Variants in ARID3B observed in about 807,000 individuals in gnomAD.
ARID3B encodes AT-rich interaction domain 3B.
Under a neutral mutation model 51.9 loss-of-function variants are expected in ARID3B, and 10 were observed. The ratio of observed to expected loss-of-function variants is 0.19; its 90% CI spans 0.12 to 0.33. The LOEUF (loss-of-function observed/expected upper bound fraction) is 0.33. Among genes scored for constraint, ARID3B ranks in the 10% least tolerant of loss-of-function variants. ARID3B has a pLI of 1.00. For synonymous variants in ARID3B, 205 were observed against 279.5 expected, an observed-to-expected ratio of 0.73 and a Z score of 2.66; for missense variants, 483 against 716.3, an observed-to-expected ratio of 0.67 and a Z score of 3.72.
At chr15:74,565,739 T>G (rs1049509558) in intron 2 of ARID3B, among the ~76,000 whole-genome samples, 7 of 151,982 alleles carry the variant, frequency 4.6e-5, no homozygotes, top group Non-Finnish European at 8.8e-5. Context: ...TTTTTGTTTT[T>G]TTTTTTTTTA....
rs75577936 is a variant in ARID3B, at chr15:74,566,602, C to CAA, written c.553-6246_553-6245dup. On this transcript the variant is annotated intron_variant, in intron 2 of 8. Coordinates refer to ENST00000346246, the MANE Select transcript of ARID3B (RefSeq NM_006465.4). The stretch of plus-strand genomic sequence containing the variant: ...CGGGTGACAGAGTGAGACTCTGTCT[C>CAA]AAAAAAAAAAAAAAAGAGACTAAAT... Among the ~76,000 whole-genome samples, 124 of 94,026 alleles carry CAA rather than the reference C, an allele frequency of 1.3e-3. 4 individuals carry two copies. In the South Asian group the frequency reaches 0.04, roughly 30 times the overall value. The allele number at this position is 94,026 out of a possible 152,430, so 61.7% of individuals were successfully genotyped here. A position where few individuals can be genotyped will look rare whatever the true frequency, so the allele number is the denominator to read the frequency against.
At chr15:74,560,588 T>C (rs1333144462) in intron 2 of ARID3B, among the ~76,000 whole-genome samples, 1 of 152,126 alleles carries the variant, frequency 6.6e-6, no homozygotes, top group African/African-American at 2.4e-5. Context: ...CTCATGAAAA[T>C]TAAAACAATA....
At chr15:74,544,589 C>T in intron 2 of ARID3B, 101 bp downstream of exon 2, 1 of 1,273,772 alleles carries the variant, frequency 7.9e-7, no homozygotes, top group Non-Finnish European at 1.1e-6. Flanking sequence ...TGCCTTCTCA[C>T]CCCACTTCGG....
intron 2 of ARID3B, among the ~76,000 whole-genome samples, chr15:74,549,162 C>G (rs535412670): frequency 6.6e-6 from 1 of 151,972 alleles, no homozygotes; most frequent in African/African-American, 2.4e-5. Flanking sequence ...CAGGCTCCAC[C>G]CCCCGGGGTT....
chr15:74,579,828 CGTGTGTGTGTGTGTGT>C (rs374538596), intron 4 of ARID3B, among the ~76,000 whole-genome samples: 108 of 137,860 alleles, frequency 7.8e-4, no homozygotes, highest in African/African-American at 2.2e-3. Context: ...CACCTGTTGC[CGTGTGTGTGTGTGTGT>C]GTGTGTGTGT....
intron 2 of ARID3B, among the ~76,000 whole-genome samples, chr15:74,547,338 T>C (rs2061619794): frequency 6.6e-6 from 1 of 152,090 alleles, no homozygotes; most frequent in Admixed American, 6.6e-5. Context: ...TATTTTTTTA[T>C]TTTTATTTAT....
Position 74,597,340 on chromosome 15 carries a change from C to T in ARID3B, c.*1566C>T, listed in dbSNP as rs1192096391. On this transcript the variant is annotated 3_prime_UTR_variant, in exon 9 of 9. Transcript: ENST00000346246. ...GGGGCTGTGGCAGTGGGAGACACCGCGCGTGGCGTGGGTGTGTGTGGCAGC... is the reference window on the plus strand; with the variant it reads ...GGGGCTGTGGCAGTGGGAGACACCGTGCGTGGCGTGGGTGTGTGTGGCAGC... The T allele has an allele frequency of 7.2e-6, 3 of 419,476 alleles. No individual in the cohort carries two copies. The highest frequency in any genetic ancestry group is 4.0e-5 in the African/African-American group (2 of 50,008). The allele number at this position is 419,476 out of a possible 1,614,324, so 26.0% of individuals were successfully genotyped here.
At chr15:74,587,544 G>A (rs543977688) in intron 4 of ARID3B, among the ~76,000 whole-genome samples, 1 of 152,320 alleles carries the variant, frequency 6.6e-6, no homozygotes, top group Admixed American at 6.5e-5. Context: ...GGTCACACGT[G>A]TGAAGATGCC....
intron 4 of ARID3B, chr15:74,573,441 G>A (rs1432394010): frequency 3.6e-6 from 2 of 552,008 alleles, no homozygotes; most frequent in Non-Finnish European, 6.5e-6. Context: ...GCCTGATTTT[G>A]TCTCTTCTTC....
intron 2 of ARID3B, among the ~76,000 whole-genome samples, chr15:74,566,602 CAAAAA>C (rs75577936): frequency 1.1e-5 from 1 of 94,028 alleles, no homozygotes; most frequent in Non-Finnish European, 2.3e-5. Flanking sequence ...GACTCTGTCT[CAAAAA>C]AAAAAAAAAA....
rs1181036661 is a variant in ARID3B at position 74,597,393 on chromosome 15, GAGGAA to G, written c.*1623_*1627del. 2.2e-6 allele frequency: 1 copy of G among 447,460 alleles called. No individual in the cohort carries two copies. The highest frequency in any genetic ancestry group is 2.0e-5 in the African/African-American group (1 of 50,686). 27.7% of individuals were successfully genotyped at this position (447,460 alleles called of 1,614,324 possible). A position where few individuals can be genotyped will look rare whatever the true frequency, so the allele number is the denominator to read the frequency against. On this transcript the variant is annotated 3_prime_UTR_variant, in exon 9 of 9. Coordinates refer to ENST00000346246, the MANE Select transcript of ARID3B (RefSeq NM_006465.4). ...GGCTCGCATTCAGTCCTGTGTAGGA[GAGGAA>G]AGGGAATCAAAAGCTTGAGCACAAA... is the stretch of plus-strand genomic sequence containing the variant.
intron 2 of ARID3B, among the ~76,000 whole-genome samples, chr15:74,553,707 T>C (rs956359757): frequency 6.6e-6 from 1 of 152,212 alleles, no homozygotes; most frequent in Non-Finnish European, 1.5e-5. Context: ...GTTCCATGTG[T>C]GCTTGGAGAG....
chr15:74,549,934 G>A lies in ARID3B; in HGVS notation c.552+5446G>A, dbSNP rs139340228. Among the ~76,000 whole-genome samples, 9 of 152,324 alleles carry A rather than the reference G, an allele frequency of 5.9e-5. No homozygotes were observed. In the East Asian group the frequency reaches 1.7e-3, roughly 29 times the overall value. ...GCCCCCCAACAGCAAAGAGTTATCT[G>A]GTCCAAAATAACAGTAGTGCCAAGG... On this transcript the variant is annotated intron_variant, in intron 2 of 8. Transcript: ENST00000346246.
At chr15:74,595,487 C>A in intron 8 of ARID3B, 124 bp from the exon 9 acceptor site, 3 of 1,112,906 alleles carry the variant, frequency 2.7e-6, no homozygotes, top group Non-Finnish European at 3.8e-6. Flanking sequence ...CCCATCACCC[C>A]CTAGCACAGT....
At chr15:74,568,814 T>C (rs1301480481) in intron 2 of ARID3B, among the ~76,000 whole-genome samples, 1 of 152,200 alleles carries the variant, frequency 6.6e-6, no homozygotes, top group East Asian at 1.9e-4. Context: ...CTGGCTACTG[T>C]TGACTTCCCA....
At chr15:74,564,087 C>T (rs772300712) in intron 2 of ARID3B, among the ~76,000 whole-genome samples, 1 of 152,184 alleles carries the variant, frequency 6.6e-6, no homozygotes, top group Non-Finnish European at 1.5e-5. Context: ...TACCTGACAG[C>T]GGAAGGTGTG....
Position 74,595,728 on chromosome 15 carries a change from C to G in ARID3B, c.1637C>G (p.Ser546Cys). 1 of 1,612,286 alleles carries G rather than the reference C, an allele frequency of 6.2e-7. No homozygotes were observed. The highest frequency in any genetic ancestry group is 8.5e-7 in the Non-Finnish European group (1 of 1,178,812). The change falls in exon 9 of 9, where the codon TCC (serine) becomes TGC (cysteine). Residue 546 changes from serine (S) to cysteine (C), a missense_variant. Coordinates refer to ENST00000346246, the MANE Select transcript of ARID3B (RefSeq NM_006465.4). Reference sequence around the variant, plus strand: ...CACTGTTCACCAAGTCCTACCTCATCCCGGGGCACCCCCAGCGCAGAGCCC... The same window carrying G: ...CACTGTTCACCAAGTCCTACCTCATGCCGGGGCACCCCCAGCGCAGAGCCC... ...SSHCSPSPTS[S>C]RGTPSAEPST...
intron 4 of ARID3B, chr15:74,573,437 T>G: frequency 7.2e-6 from 4 of 556,988 alleles, no homozygotes. Flanking sequence ...CCCTGCCTGA[T>G]TTTGTCTCTT....
At chr15:74,571,586 T>C (rs1292732909) in intron 2 of ARID3B, among the ~76,000 whole-genome samples, 1 of 152,208 alleles carries the variant, frequency 6.6e-6, no homozygotes, top group Non-Finnish European at 1.5e-5. Context: ...TATGTGTATG[T>C]TTTTTGAAGA....
Sources: allele counts gnomAD v4.1 joint callset (sites outside exome capture counted in the v4.1 genomes callset), GRCh38; gene constraint gnomAD v4.1.1; transcripts MANE v1.5; gene names NCBI Gene and HGNC (gene_info 2026-07-23, HGNC 2026-07-21).